MAML3: variants seen among roughly 807,000 people sequenced by gnomAD.
MAML3 encodes mastermind-like protein 3.
In MAML3, 27 loss-of-function variants were observed where a neutral mutation model predicts 101.9. The observed-to-expected ratio is 0.27, with a 90% CI of 0.20 to 0.37. The LOEUF (loss-of-function observed/expected upper bound fraction) is 0.37. MAML3 is among the 10% of genes least tolerant of loss of function. The probability of loss-of-function intolerance (pLI) is 1.00; values close to 1 mark genes in which losing one functional copy is unlikely to be tolerated. For missense variants in MAML3, 1,316 were observed against 1,444.9 expected, an observed-to-expected ratio of 0.91 and a Z score of 1.45; for synonymous variants, 501 against 555.9, an observed-to-expected ratio of 0.90 and a Z score of 1.39.
chr4:139,859,813 T>C (rs551178689), intron 2 of MAML3, among the ~76,000 whole-genome samples: 3 of 152,352 alleles, frequency 2.0e-5, no homozygotes, highest in African/African-American at 7.2e-5. Context: ...GTTAAACGCA[T>C]CCTCTTAAAT....
At chr4:140,051,373 G>T (rs1420562382) in intron 1 of MAML3, among the ~76,000 whole-genome samples, 1 of 151,938 alleles carries the variant, frequency 6.6e-6, no homozygotes, top group African/African-American at 2.4e-5. Flanking sequence ...TGGCCAACAT[G>T]GTGAAACCCT....
chr4:139,769,924 T>C (rs1235825203), intron 2 of MAML3, among the ~76,000 whole-genome samples: 1 of 150,798 alleles, frequency 6.6e-6, no homozygotes, highest in Non-Finnish European at 1.5e-5. Context: ...CTCTTTTTTT[T>C]TTTTTTTTTT....
intron 2 of MAML3, among the ~76,000 whole-genome samples, chr4:139,822,964 G>A (rs567981993): frequency 2.6e-5 from 4 of 152,278 alleles, no homozygotes; most frequent in African/African-American, 7.2e-5. Flanking sequence ...TATTTATCTT[G>A]ATCCTTCCTA....
intron 1 of MAML3, among the ~76,000 whole-genome samples, chr4:140,034,986 T>G (rs1181360691): frequency 1.3e-5 from 2 of 152,324 alleles, no homozygotes; most frequent in Non-Finnish European, 2.9e-5. Context: ...AAGTTCTTTT[T>G]TGAGATGGAG....
chr4:139,956,807 G>A (rs1312142724), intron 1 of MAML3, among the ~76,000 whole-genome samples: 1 of 152,158 alleles, frequency 6.6e-6, no homozygotes, highest in Non-Finnish European at 1.5e-5. Context: ...GTAGGGCAAG[G>A]GCTTGTGTTC....
At chr4:139,961,265 C>A (rs565247341) in intron 1 of MAML3, among the ~76,000 whole-genome samples, 68 of 152,312 alleles carry the variant, frequency 4.5e-4, no homozygotes, top group Non-Finnish European at 8.4e-4. Flanking sequence ...TGACTGGATG[C>A]TTTTGTTTGT....
At chr4:139,896,446 C>G (rs977692402) in intron 1 of MAML3, among the ~76,000 whole-genome samples, 3 of 152,202 alleles carry the variant, frequency 2.0e-5, no homozygotes, top group Non-Finnish European at 4.4e-5. Context: ...TTAGGTGAAG[C>G]TGTGGTGCCA....
intron 1 of MAML3, among the ~76,000 whole-genome samples, chr4:139,908,840 C>T (rs1246085050): frequency 1.3e-5 from 2 of 152,104 alleles, no homozygotes; most frequent in Non-Finnish European, 2.9e-5. Context: ...ATCTGAGATT[C>T]GCAGAGAATG....
intron 1 of MAML3, chr4:140,134,620 T>C (rs1728853582): frequency 1.6e-5 from 5 of 316,234 alleles, no homozygotes; most frequent in Non-Finnish European, 2.5e-5. Flanking sequence ...GAAATAAATA[T>C]ACATATACAT....
At chr4:140,114,248 A>T (rs929216623) in intron 1 of MAML3, among the ~76,000 whole-genome samples, 4 of 152,196 alleles carry the variant, frequency 2.6e-5, no homozygotes, top group Non-Finnish European at 4.4e-5. Flanking sequence ...TATAGCTCTT[A>T]TCACATCACG....
chr4:140,150,632 G>C (rs967548777), intron 1 of MAML3, among the ~76,000 whole-genome samples: 1 of 152,188 alleles, frequency 6.6e-6, no homozygotes, highest in Non-Finnish European at 1.5e-5. Flanking sequence ...CAATCCATGC[G>C]CGTGGGGTGT....
At chr4:139,997,987 T>C (rs563916214) in intron 1 of MAML3, among the ~76,000 whole-genome samples, 2 of 152,182 alleles carry the variant, frequency 1.3e-5, no homozygotes, top group Non-Finnish European at 2.9e-5. Flanking sequence ...CCGACTATGA[T>C]GTATCTAGAT....
intron 1 of MAML3, among the ~76,000 whole-genome samples, chr4:139,979,795 G>C (rs1416654268): frequency 6.6e-6 from 1 of 152,146 alleles, no homozygotes; most frequent in Non-Finnish European, 1.5e-5. Context: ...CTGGTGCCGT[G>C]ATCTCGGACT....
intron 1 of MAML3, among the ~76,000 whole-genome samples, chr4:140,129,471 CAT>C (rs1728746501): frequency 6.6e-6 from 1 of 152,132 alleles, no homozygotes; most frequent in African/African-American, 2.4e-5. Context: ...AGCTGCAGCA[CAT>C]AGTTTTAAAA....
At chr4:139,856,145 C>T (rs913706100) in intron 2 of MAML3, among the ~76,000 whole-genome samples, 2 of 152,170 alleles carry the variant, frequency 1.3e-5, no homozygotes, top group African/African-American at 2.4e-5. Flanking sequence ...CCTGTTCCTA[C>T]CCAGCACAAT....
At chr4:139,734,825 A>G (rs1275338778) in intron 2 of MAML3, among the ~76,000 whole-genome samples, 1 of 152,278 alleles carries the variant, frequency 6.6e-6, no homozygotes, top group African/African-American at 2.4e-5. Flanking sequence ...ACCAAAGAGC[A>G]GGGAATCACA....
chr4:139,852,964 C>A (rs572711126), intron 2 of MAML3, among the ~76,000 whole-genome samples: 8 of 152,226 alleles, frequency 5.3e-5, no homozygotes, highest in African/African-American at 1.9e-4. Context: ...TATTTATTTT[C>A]TAATTGAAAA....
chr4:140,108,907 C>A (rs1288024379), intron 1 of MAML3, among the ~76,000 whole-genome samples: 8 of 152,166 alleles, frequency 5.3e-5, no homozygotes, highest in African/African-American at 1.9e-4. Context: ...AAGGAACACA[C>A]TGCCCAGCCC....
chr4:139,778,799 A>T (rs1361499695), intron 2 of MAML3, among the ~76,000 whole-genome samples: 1 of 152,084 alleles, frequency 6.6e-6, no homozygotes, highest in East Asian at 1.9e-4. Flanking sequence ...CCTGGCCAAC[A>T]TGGTGAAACC....
Sources: allele counts gnomAD v4.1 joint callset (sites outside exome capture counted in the v4.1 genomes callset), GRCh38; gene constraint gnomAD v4.1.1; transcripts MANE v1.5; gene names NCBI Gene and HGNC (gene_info 2026-07-23, HGNC 2026-07-21).